The following PLEKHA8 variants were observed in gnomAD, a reference collection of about 807,000 sequenced individuals.
The protein encoded by PLEKHA8 is pleckstrin homology domain containing A8.
PLEKHA8 carries 36 observed loss-of-function variants against 68.2 expected under a neutral mutation model. The ratio of observed to expected loss-of-function variants is 0.53; its 90% confidence interval spans 0.40 to 0.70. The LOEUF (loss-of-function observed/expected upper bound fraction) is 0.70, where lower values mean the gene tolerates loss of function less well. Ranked by LOEUF, PLEKHA8 falls within the 30% of genes least tolerant of loss-of-function variation. The pLI, the probability that PLEKHA8 is intolerant of heterozygous loss-of-function variation, is 0.00. For synonymous variants in PLEKHA8, 211 were observed against 216.1 expected, an observed-to-expected ratio of 0.98 and a Z score of 0.20; for missense variants, 505 against 615.4, an observed-to-expected ratio of 0.82 and a Z score of 1.90.
At chr7:30,117,680 C>A (rs746456804) in intron 13 of PLEKHA8, among the ~76,000 whole-genome samples, 2 of 152,010 alleles carry the variant, frequency 1.3e-5, no homozygotes, top group South Asian at 4.2e-4. Flanking sequence ...CTCCATCCAG[C>A]CTGTGTGACA....
At chr7:30,059,567 C>G (rs1256699637) in intron 9 of PLEKHA8, among the ~76,000 whole-genome samples, 1 of 142,208 alleles carries the variant, frequency 7.0e-6, no homozygotes, top group Non-Finnish European at 1.5e-5. Context: ...TGATCTCTAG[C>G]CAGTTAATCA....
rs116386701 is a variant in PLEKHA8 at position 30,055,238 on chromosome 7, A to T, written c.954-19A>T. On this transcript the variant is annotated intron_variant, in intron 8 of 13. Transcript: ENST00000449726. ...CTGTATTTTCAATCTTTTCTCCTCC[A>T]TATCACCAAATTATGTAGCTTTAGT... The T allele has an allele frequency of 5.0e-6, 8 of 1,608,242 alleles. No individual in the cohort carries two copies. The highest frequency in any genetic ancestry group is 3.3e-5 in the Admixed American group (2 of 60,002).
At chr7:30,121,025 G>C (rs1279745448) in intron 13 of PLEKHA8, among the ~76,000 whole-genome samples, 1 of 151,760 alleles carries the variant, frequency 6.6e-6, no homozygotes, top group Non-Finnish European at 1.5e-5. Flanking sequence ...AATCATAGTA[G>C]ATTTTACGAT....
Position 30,084,597 on chromosome 7 carries a change from A to C in PLEKHA8, c.*5810A>C. On this transcript the variant is annotated 3_prime_UTR_variant, in exon 14 of 14. Coordinates refer to ENST00000449726, the MANE Select transcript of PLEKHA8 (RefSeq NM_001197026.2). Reference sequence around the variant, plus strand: ...TTACTTTTTTTGCAAAAATGTTTGAAAATATCTGTCAGATTTTATATTCGT... The same window carrying C: ...TTACTTTTTTTGCAAAAATGTTTGACAATATCTGTCAGATTTTATATTCGT... 3.1e-6 allele frequency: 3 copies of C among 957,828 alleles called. No individual in the cohort carries two copies. The highest frequency in any genetic ancestry group is 3.7e-6 in the Non-Finnish European group (3 of 804,978). The allele number at this position is 957,828 out of a possible 1,614,324, so 59.3% of individuals were successfully genotyped here. A position where few individuals can be genotyped will look rare whatever the true frequency, so the allele number is the denominator to read the frequency against.
intron 13 of PLEKHA8, among the ~76,000 whole-genome samples, chr7:30,111,935 A>G (rs1369655764): frequency 1.3e-5 from 2 of 152,244 alleles, no homozygotes; most frequent in African/African-American, 2.4e-5. Flanking sequence ...GCTGTTCACA[A>G]TAGGCATGCT....
chr7:30,040,049 CTAAGTT>C (rs1410456601), intron 1 of PLEKHA8, among the ~76,000 whole-genome samples: 1 of 152,130 alleles, frequency 6.6e-6, no homozygotes, highest in East Asian at 1.9e-4. Flanking sequence ...AAGTTCTCTT[CTAAGTT>C]TGTTAGGTGT....
At chr7:30,068,124 T>C (rs1184298679) in intron 12 of PLEKHA8, among the ~76,000 whole-genome samples, 2 of 152,184 alleles carry the variant, frequency 1.3e-5, no homozygotes, top group African/African-American at 4.8e-5. Flanking sequence ...CTCTAACCTG[T>C]ATTAGCCTCA....
intron 1 of PLEKHA8, among the ~76,000 whole-genome samples, chr7:30,035,385 C>A (rs1028821380): frequency 1.1e-4 from 16 of 152,164 alleles, no homozygotes; most frequent in African/African-American, 3.6e-4. Context: ...GTGTACCAGG[C>A]AGGTTCATAG....
At position 30,110,141 on chromosome 7, in the gene PLEKHA8, C is replaced by T. The variant is rs1282097266; in HGVS notation, c.1363-19125C>T. Among the ~76,000 whole-genome samples, 3 of 151,688 alleles carry T rather than the reference C, an allele frequency of 2.0e-5. No individual in the cohort carries two copies. The East Asian group carries it at 5.8e-4, about 29-fold the overall frequency. On this transcript the variant is annotated intron_variant, in intron 13 of 13. Coordinates refer to the PLEKHA8 transcript ENST00000396257. ...CTAAGTTTAGAATATTTGCATTACC[C>T]CCAAGAGCAACCCTGTACTTATTAA...
chr7:30,117,114 C>A (rs946429636), intron 13 of PLEKHA8, among the ~76,000 whole-genome samples: 1 of 152,156 alleles, frequency 6.6e-6, no homozygotes, highest in East Asian at 1.9e-4. Flanking sequence ...AGGAGACAGC[C>A]TGGAAATTGT....
intron 6 of PLEKHA8, among the ~76,000 whole-genome samples, chr7:30,050,969 A>G (rs1792358316): frequency 6.6e-6 from 1 of 152,202 alleles, no homozygotes; most frequent in African/African-American, 2.4e-5. Context: ...AAAGTGGGCT[A>G]AATTACTATA....
intron 12 of PLEKHA8, among the ~76,000 whole-genome samples, chr7:30,073,628 T>G (rs1193328500): frequency 6.6e-6 from 1 of 150,984 alleles, no homozygotes; most frequent in Non-Finnish European, 1.5e-5. Context: ...ATTTTTTGGG[T>G]CCAAAATCTT....
chr7:30,128,638 C>T (rs1796823051), intron 13 of PLEKHA8, among the ~76,000 whole-genome samples: 1 of 151,840 alleles, frequency 6.6e-6, no homozygotes, highest in African/African-American at 2.4e-5. Flanking sequence ...TTAGTGGTTA[C>T]CTTTGTGGCA....
rs1321829536 is a variant in PLEKHA8 at position 30,074,228 on chromosome 7, T to C, written c.1362+96T>C. ...TCTTACCCAGTTATTTATCTAGTCA[T>C]GATTGTCAGAAACAAAGTTGTGTGT... On this transcript the variant is annotated intron_variant, in intron 13 of 13. Coordinates refer to ENST00000449726, the MANE Select transcript of PLEKHA8 (RefSeq NM_001197026.2). The C allele has an allele frequency of 7.4e-6, 8 of 1,077,588 alleles. No homozygotes were observed. In the Admixed American group the frequency reaches 1.1e-4, roughly 14 times the overall value. The allele number at this position is 1,077,588 out of a possible 1,614,324, so 66.8% of individuals were successfully genotyped here. A position where few individuals can be genotyped will look rare whatever the true frequency, so the allele number is the denominator to read the frequency against.
At position 30,061,928 on chromosome 7, in the gene PLEKHA8, A is replaced by G. The variant is rs1410060130; in HGVS notation, c.1130A>G (p.Glu377Gly). The G allele has an allele frequency of 2.5e-6, 4 of 1,614,022 alleles. No homozygotes were observed. The highest frequency in any genetic ancestry group is 2.2e-5 in the East Asian group (1 of 44,898). The stretch of plus-strand genomic sequence containing the variant: ...AATCAGAAGTATATAACCAACAAAG[A>G]AGAGTTTACCACTCTCCAGAAGATA... ...KVNQKYITNK[E>G]EFTTLQKIVL... The change falls in exon 11 of 14, where the codon GAA becomes GGA. Residue 377 changes from glutamate to glycine, a missense_variant. By Grantham distance (98) the Glu-to-Gly change is moderately conservative. Coordinates refer to ENST00000449726, the MANE Select transcript of PLEKHA8 (RefSeq NM_001197026.2).
Position 30,052,922 on chromosome 7 carries a change from G to A in PLEKHA8, c.796+56G>A, listed in dbSNP as rs73077978. 8.9e-3 allele frequency: 12,338 copies of A among 1,389,546 alleles called. 86 individuals carry two copies. Among genetic ancestry groups the A allele is most frequent in the South Asian group, 0.02 (1,442 of 73,888 alleles). The allele number at this position is 1,389,546 out of a possible 1,614,324, so 86.1% of individuals were successfully genotyped here. A position where few individuals can be genotyped will look rare whatever the true frequency, so the allele number is the denominator to read the frequency against. On this transcript the variant is annotated intron_variant, in intron 7 of 13. Coordinates refer to ENST00000449726, the MANE Select transcript of PLEKHA8 (RefSeq NM_001197026.2). ...CAATTTTAGATGATAGAAAATTTGGGAATTTGATGAATATCCATGATAGGG... is the reference window on the plus strand; with the variant it reads ...CAATTTTAGATGATAGAAAATTTGGAAATTTGATGAATATCCATGATAGGG...
chr7:30,091,062 A>G (rs1286003330), downstream of PLEKHA8, among the ~76,000 whole-genome samples: 1 of 151,980 alleles, frequency 6.6e-6, no homozygotes, highest in Non-Finnish European at 1.5e-5. Flanking sequence ...TACTCAGGAG[A>G]GTGAGGTGGG....
intron 12 of PLEKHA8, among the ~76,000 whole-genome samples, chr7:30,067,315 C>G (rs979484564): frequency 6.6e-6 from 1 of 152,128 alleles, no homozygotes; most frequent in Non-Finnish European, 1.5e-5. Context: ...TCAAAACATT[C>G]AAAAATTAGC....
rs1324280761 is a variant in PLEKHA8 at position 30,090,551 on chromosome 7, G to T, written c.*376G>T. The T allele has an allele frequency of 1.6e-5, 3 of 190,300 alleles. No homozygotes were observed. The East Asian group carries it at 4.0e-4, about 25-fold the overall frequency. The allele number at this position is 190,300 out of a possible 1,614,324, so 11.8% of individuals were successfully genotyped here. On this transcript the variant is annotated 3_prime_UTR_variant, in exon 13 of 13. Coordinates refer to the PLEKHA8 transcript ENST00000258679. ...GGTCAAACTGGAAATTATAGTCACAGTATAGATATAGATTATAAATATTAC... is the reference window on the plus strand; with the variant it reads ...GGTCAAACTGGAAATTATAGTCACATTATAGATATAGATTATAAATATTAC...
Sources: allele counts gnomAD v4.1 joint callset (sites outside exome capture counted in the v4.1 genomes callset), GRCh38; gene constraint gnomAD v4.1.1; transcripts MANE v1.5; gene names NCBI Gene and HGNC (gene_info 2026-07-23, HGNC 2026-07-21).